The following FOXP2 variants were observed in gnomAD, a reference collection of about 807,000 sequenced individuals.
FOXP2 encodes the protein forkhead box P2.
A neutral mutation model predicts 115.8 loss-of-function variants in FOXP2; 12 were observed. That is an observed-to-expected ratio of 0.10 (90% confidence interval 0.07 to 0.17). FOXP2 has a LOEUF of 0.17. FOXP2 is among the 10% of genes least tolerant of loss of function. The pLI is 1.00. For missense variants in FOXP2, 629 were observed against 843.5 expected (o/e 0.75, Z 3.15); for synonymous variants, 328 against 297.7 (o/e 1.10, Z -1.05).
At chr7:114,366,537 A>C (rs1300354911) in intron 2 of FOXP2, 1 of 152,118 alleles carries the variant, frequency 6.6e-6, no homozygotes, top group East Asian at 1.9e-4. Flanking sequence ...GAGGAGTTGG[A>C]TGTTTGTCAA....
intron 1 of FOXP2, among the ~76,000 whole-genome samples, chr7:114,279,766 T>A (rs1279243703): frequency 6.9e-6 from 1 of 145,018 alleles, no homozygotes; most frequent in East Asian, 2.0e-4. Context: ...TATATTAGTT[T>A]AAAAAAAAAA....
chr7:114,432,542 T>G (rs1794158535), intron 2 of FOXP2, among the ~76,000 whole-genome samples: 1 of 152,012 alleles, frequency 6.6e-6, no homozygotes, highest in Non-Finnish European at 1.5e-5. Flanking sequence ...GAATTTATCT[T>G]TAAATTACAT....
intron 1 of FOXP2, among the ~76,000 whole-genome samples, chr7:114,209,463 T>G (rs1376711200): frequency 6.6e-6 from 1 of 152,202 alleles, no homozygotes; most frequent in Non-Finnish European, 1.5e-5. Flanking sequence ...TTAAGAATGT[T>G]GAATATTGGC....
chr7:114,631,129 A>T, intron 5 of FOXP2: 1 of 254,176 alleles, frequency 3.9e-6, no homozygotes, highest in Non-Finnish European at 7.7e-6. Context: ...GACCACATTC[A>T]TGGACCTCTG....
upstream of FOXP2, chr7:114,414,215 A>T (rs1793244453): frequency 6.6e-6 from 1 of 152,110 alleles, no homozygotes; most frequent in African/African-American, 2.4e-5. Flanking sequence ...GGCTACCTAC[A>T]GTATAAAATC....
intron 3 of FOXP2, among the ~76,000 whole-genome samples, chr7:114,600,740 ATTGAC>A (rs1040904102): frequency 1.4e-4 from 22 of 152,150 alleles, no homozygotes; most frequent in African/African-American, 5.3e-4. Flanking sequence ...GCAGTTCCTT[ATTGAC>A]TTAAGATATT....
At chr7:114,647,326 AG>A (rs1476812423) in intron 8 of FOXP2, among the ~76,000 whole-genome samples, 1 of 151,542 alleles carries the variant, frequency 6.6e-6, no homozygotes, top group Non-Finnish European at 1.5e-5. Flanking sequence ...AAGCCATTAT[AG>A]GACAGTTGCT....
rs141041172 is a variant in FOXP2 at position 114,280,077 on chromosome 7, C to CAAATAAAT, written c.-101-7902_-101-7895dup. ...AATTTAGTCCTACCAGACTCTCAGG[C>CAAATAAAT]AAATAAATAAATAAATAAATAAATA... On this transcript the variant is annotated intron_variant, in intron 1 of 17. Transcript: ENST00000634411. Among the ~76,000 whole-genome samples the CAAATAAAT allele has an allele frequency of 4.0e-3, 569 of 143,012 alleles. 3 individuals are homozygous for CAAATAAAT. Among genetic ancestry groups the CAAATAAAT allele is most frequent in the East Asian group, 7.4e-3 (36 of 4,860 alleles). 93.8% of individuals were successfully genotyped at this position (143,012 alleles called of 152,430 possible).
intron 3 of FOXP2, among the ~76,000 whole-genome samples, chr7:114,542,967 A>C (rs1300386819): frequency 6.6e-6 from 1 of 151,260 alleles, no homozygotes; most frequent in Non-Finnish European, 1.5e-5. Context: ...ATTTTTGTAT[A>C]TTTAGTAGAG....
chr7:114,552,980 A>G (rs1235856751), intron 3 of FOXP2, among the ~76,000 whole-genome samples: 1 of 152,176 alleles, frequency 6.6e-6, no homozygotes, highest in Non-Finnish European at 1.5e-5. Flanking sequence ...TTATCTAAAT[A>G]GAAAATAGTT....
At chr7:114,304,669 CAAAAAAAAA>C (rs71157580) in intron 2 of FOXP2, among the ~76,000 whole-genome samples, 1 of 65,116 alleles carries the variant, frequency 1.5e-5, no homozygotes, top group Non-Finnish European at 2.7e-5. Context: ...GACTCTGTCT[CAAAAAAAAA>C]AAAAAAAAAA....
intron 1 of FOXP2, among the ~76,000 whole-genome samples, chr7:114,172,697 A>G (rs1793179485): frequency 6.6e-6 from 1 of 152,148 alleles, no homozygotes; most frequent in South Asian, 2.1e-4. Context: ...AAAAAAGAAA[A>G]GAAAACATTG....
Position 114,302,836 on chromosome 7 carries a change from G to A in FOXP2, c.-11+14727G>A, listed in dbSNP as rs187880955. Among the ~76,000 whole-genome samples the A allele has an allele frequency of 3.3e-5, 5 of 152,272 alleles. No individual in the cohort carries two copies. The East Asian group carries it at 9.6e-4, about 29-fold the overall frequency. ...GGCTGGGAAATGGCCACATGGTAAG[G>A]AACTGTCAACAGCCTCTCAGGAGTT... On this transcript the variant is annotated intron_variant, in intron 2 of 17. Transcript: ENST00000634411.
intron 3 of FOXP2, among the ~76,000 whole-genome samples, chr7:114,552,492 A>G (rs1800259012): frequency 6.6e-6 from 1 of 152,192 alleles, no homozygotes; most frequent in South Asian, 2.1e-4. Context: ...ACAAAAAATT[A>G]TCCTTTTTTA....
chr7:114,184,202 T>C (rs1173709016), intron 1 of FOXP2, among the ~76,000 whole-genome samples: 1 of 152,180 alleles, frequency 6.6e-6, no homozygotes, highest in Non-Finnish European at 1.5e-5. Flanking sequence ...AAAGGCCTTC[T>C]GTTTCAGTCT....
chr7:114,436,743 G>A lies in FOXP2; in HGVS notation c.168+10064G>A, dbSNP rs138080056. Among the ~76,000 whole-genome samples the A allele has an allele frequency of 6.0e-3, 906 of 151,914 alleles. 8 individuals carry two copies. The highest frequency in any genetic ancestry group is 0.019 in the African/African-American group (779 of 41,502). ...CAGATGCTTCAAAGGATATATAAAC[G>A]TTACTTTGAGAGATACAACAGAGGA... On this transcript the variant is annotated intron_variant, in intron 2 of 16. Coordinates refer to ENST00000350908, the MANE Select transcript of FOXP2 (RefSeq NM_014491.4).
chr7:114,674,980 A>G (rs1807681983), intron 16 of FOXP2, among the ~76,000 whole-genome samples: 1 of 152,150 alleles, frequency 6.6e-6, no homozygotes, highest in African/African-American at 2.4e-5. Flanking sequence ...TTTTCTACTT[A>G]AAACTTTAAT....
chr7:114,488,341 A>T (rs952822159), intron 2 of FOXP2, among the ~76,000 whole-genome samples: 2 of 152,200 alleles, frequency 1.3e-5, no homozygotes, highest in Non-Finnish European at 2.9e-5. Context: ...TTGGGTGGAG[A>T]CACAGCCAAA....
At chr7:114,484,074 A>G (rs548699485) in intron 2 of FOXP2, among the ~76,000 whole-genome samples, 101 of 151,936 alleles carry the variant, frequency 6.6e-4, no homozygotes, top group African/African-American at 2.3e-3. Context: ...TCCCTATAAT[A>G]TAAATCTTGG....
Sources: allele counts gnomAD v4.1 joint callset (sites outside exome capture counted in the v4.1 genomes callset), GRCh38; gene constraint gnomAD v4.1.1; transcripts MANE v1.5; gene names NCBI Gene and HGNC (gene_info 2026-07-23, HGNC 2026-07-21).